ZNF665: variants seen among roughly 807,000 people sequenced by gnomAD.
ZNF665 encodes the protein zinc finger protein 665.
ZNF665 carries 6 observed loss-of-function variants against 7.9 expected under a neutral mutation model. The observed-to-expected ratio is 0.76, with a 90% CI of 0.42 to 1.50. The LOEUF (loss-of-function observed/expected upper bound fraction) is 1.50. ZNF665 is among the 40% of genes most tolerant of loss of function. ZNF665 has a pLI of 0.01. For synonymous variants in ZNF665, 242 were observed against 274.5 expected, an observed-to-expected ratio of 0.88 and a Z score of 1.17; for missense variants, 819 against 806.7, an observed-to-expected ratio of 1.02 and a Z score of -0.18.
In ZNF665 at chr19:53,175,335, C is replaced by G. The variant is rs1279620759; in HGVS notation, c.142+110G>C. On this transcript the variant is annotated intron_variant, in intron 3 of 3. Coordinates refer to ENST00000396424, the MANE Select transcript of ZNF665 (RefSeq NM_024733.5). ...ATTAGGCTTTTCATTTATGAGTCAA[C>G]AGGACATCAATCCTCATCAAGCAAT... 3.0e-6 allele frequency: 4 copies of G among 1,352,526 alleles called. No individual in the cohort carries two copies. The African/African-American group carries it at 4.5e-5, about 15-fold the overall frequency. 83.8% of individuals were successfully genotyped at this position (1,352,526 alleles called of 1,614,324 possible). A position where few individuals can be genotyped will look rare whatever the true frequency, so the allele number is the denominator to read the frequency against.
At chr19:53,171,444 A>G (rs1238596083) in intron 3 of ZNF665, among the ~76,000 whole-genome samples, 1 of 148,492 alleles carries the variant, frequency 6.7e-6, no homozygotes, top group East Asian at 2.0e-4. Flanking sequence ...TACACTATGT[A>G]CTAAAATTAG....
chr19:53,177,931 C>T (rs2090710608), intron 2 of ZNF665, among the ~76,000 whole-genome samples: 1 of 152,190 alleles, frequency 6.6e-6, no homozygotes, highest in South Asian at 2.1e-4. Flanking sequence ...CTAAAAATGA[C>T]AGAGCAAGTA....
chr19:53,176,619 G>C (rs762189131), intron 2 of ZNF665, among the ~76,000 whole-genome samples: 5 of 152,216 alleles, frequency 3.3e-5, no homozygotes, highest in Non-Finnish European at 7.3e-5. Context: ...ATCTGTGTTT[G>C]TGAATGGCAA....
chr19:53,177,629 A>G (rs1317254671), intron 2 of ZNF665, among the ~76,000 whole-genome samples: 1 of 152,204 alleles, frequency 6.6e-6, no homozygotes, highest in Non-Finnish European at 1.5e-5. Context: ...TGTCGGACAC[A>G]TCAAGCAATA....
chr19:53,176,454 C>T (rs1252007525), intron 2 of ZNF665, among the ~76,000 whole-genome samples: 1 of 152,192 alleles, frequency 6.6e-6, no homozygotes, highest in Non-Finnish European at 1.5e-5. Flanking sequence ...ATCGCTTCCA[C>T]CTGCATTCTT....
intron 1 of ZNF665, among the ~76,000 whole-genome samples, chr19:53,189,786 T>C (rs1378699394): frequency 6.6e-6 from 1 of 151,418 alleles, no homozygotes; most frequent in African/African-American, 2.4e-5. Flanking sequence ...AAAGGGAGAC[T>C]CCCTTCCCCA....
chr19:53,190,623 T>C (rs1424455835), intron 1 of ZNF665, among the ~76,000 whole-genome samples: 1 of 152,144 alleles, frequency 6.6e-6, no homozygotes. Flanking sequence ...ATCTGTATGC[T>C]TCGTAGTATC....
rs1042352111 is a variant in ZNF665 at position 53,167,534 on chromosome 19, C to T, written c.143-1187G>A. 1.5e-4 allele frequency among the ~76,000 whole-genome samples: 22 copies of T among 150,696 alleles called. No individual in the cohort carries two copies. The South Asian group carries it at 3.6e-3, about 25-fold the overall frequency. On this transcript the variant is annotated intron_variant, in intron 3 of 3. Transcript: ENST00000396424. The stretch of plus-strand genomic sequence containing the variant: ...CGATCTCGGCTCACTGCAAGCTCCG[C>T]CTCCCGGGTTCCCGCCATTCTCCTG...
chr19:53,178,624 A>T (rs998861325), intron 2 of ZNF665, among the ~76,000 whole-genome samples: 5 of 152,214 alleles, frequency 3.3e-5, no homozygotes, highest in African/African-American at 1.2e-4. Context: ...AGTACAAGAA[A>T]TGAGAGAATG....
At position 53,165,226 on chromosome 19, in the gene ZNF665, T is replaced by C; in HGVS notation, c.1264A>G (p.Arg422Gly). The C allele has an allele frequency of 2.5e-6, 4 of 1,614,054 alleles. No individual in the cohort carries two copies. Among genetic ancestry groups the C allele is most frequent in the Non-Finnish European group, 3.4e-6 (4 of 1,179,992 alleles). The change falls in exon 4 of 4, where the codon AGA (arginine) becomes GGA (glycine). Residue 422 changes from arginine (R) to glycine (G), a missense_variant. Coordinates refer to ENST00000396424, the MANE Select transcript of ZNF665 (RefSeq NM_024733.5). ...TQYSHLANHR[R>G]IHTGEKPYRC... ...TAAGGTTTCTCTCCAGTATGAATTCTTCGATGATTTGCTAAGTGTGAATAC... is the reference window on the plus strand; with the variant it reads ...TAAGGTTTCTCTCCAGTATGAATTCCTCGATGATTTGCTAAGTGTGAATAC...
Position 53,166,198 on chromosome 19 carries a change from A to G in ZNF665, c.292T>C (p.Phe98Leu). Residue 98 changes from phenylalanine (F) to leucine (L), a missense_variant, in exon 4 of 4, where the codon TTT becomes CTT. Phe to Leu is a conservative substitution (Grantham distance 22, BLOSUM62 0). Coordinates refer to ENST00000396424, the MANE Select transcript of ZNF665 (RefSeq NM_024733.5). ...TCATCATCTTTCCACTGACACTCAA[A>G]GTCGTATGTATTTTTCTGAACTTCC... ...FQEVQKNTYD[F>L]ECQWKDDEGN... The G allele has an allele frequency of 6.2e-7, 1 of 1,613,898 alleles. No homozygotes were observed. The highest frequency in any genetic ancestry group is 1.6e-4 in the Middle Eastern group (1 of 6,062).
chr19:53,166,382 A>G, intron 3 of ZNF665, 35 bp from the exon 4 acceptor site: 1 of 1,496,932 alleles, frequency 6.7e-7, no homozygotes, highest in Non-Finnish European at 8.9e-7. Flanking sequence ...TTTCCAGTTA[A>G]CTATAGTAGG....
At chr19:53,180,531 G>C (rs999517227) in intron 2 of ZNF665, 6 of 152,082 alleles carry the variant, frequency 3.9e-5, no homozygotes, top group African/African-American at 1.4e-4. Context: ...TTAAATGATG[G>C]TATGTCTTTT....
At chr19:53,191,259 G>A (rs7247692) in intron 1 of ZNF665, among the ~76,000 whole-genome samples, 2,117 of 152,278 alleles carry the variant, frequency 0.014, 46 homozygotes, top group African/African-American at 0.049. Flanking sequence ...GATGAGAGGC[G>A]ATGCATTCTT....
chr19:53,177,836 C>T (rs917202104), intron 2 of ZNF665, among the ~76,000 whole-genome samples: 9 of 152,156 alleles, frequency 5.9e-5, no homozygotes, highest in African/African-American at 2.2e-4. Flanking sequence ...AACACTGTAG[C>T]CCATGAGAGA....
chr19:53,191,089 T>G (rs902747948), intron 1 of ZNF665, among the ~76,000 whole-genome samples: 6 of 144,088 alleles, frequency 4.2e-5, no homozygotes, highest in Admixed American at 3.4e-4. Context: ...AATCTGGGAC[T>G]TGGGGCTGGT....
intron 1 of ZNF665, 82 bp downstream of exon 1, chr19:53,193,230 G>C (rs1408670158): frequency 6.6e-6 from 1 of 152,228 alleles, no homozygotes; most frequent in Non-Finnish European, 1.5e-5. Context: ...GACTTTAAGG[G>C]CTATACGAAC....
chr19:53,165,116 G>A lies in ZNF665; in HGVS notation c.1374C>T (p.Tyr458=), dbSNP rs2090597753. ...AGACCTTACCGCAGTCATTACATTT[G>A]TAAGGCTTTTCTCCAGTATGAATTG... The part of the protein sequence containing the change: ...HQAIHTGEKP[Y]KCNDCGKVFT... The change falls in exon 4 of 4, where the codon TAC becomes TAT. Residue 458 remains tyrosine, a synonymous_variant. Coordinates refer to ENST00000396424, the MANE Select transcript of ZNF665 (RefSeq NM_024733.5). 6.2e-7 allele frequency: 1 copy of A among 1,613,918 alleles called. No homozygotes were observed. Among genetic ancestry groups the A allele is most frequent in the African/African-American group, 1.3e-5 (1 of 74,872 alleles).
rs2090691222 is a variant in ZNF665, at chr19:53,175,530, C to T, written c.57G>A (p.Gln19=). ...CAGGGTCCAGGCATGTCCACTCCTC[C>T]TGAGAGAATTCTATGGCCACATCCT... The part of the protein sequence containing the change: ...TFKDVAIEFS[Q]EEWTCLDPAQ... The change falls in exon 3 of 4, where the codon CAG becomes CAA. Residue 19 remains glutamine (Q), a synonymous_variant. Transcript: ENST00000396424. The T allele has an allele frequency of 6.2e-7, 1 of 1,610,720 alleles. No individual in the cohort carries two copies. The highest frequency in any genetic ancestry group is 1.3e-5 in the African/African-American group (1 of 74,650).
Sources: gnomAD v4.1 joint callset for allele counts (sites outside exome capture counted in the v4.1 genomes callset) on GRCh38, gnomAD v4.1.1 for gene constraint, MANE v1.5 for transcripts, NCBI Gene and HGNC (gene_info 2026-07-23, HGNC 2026-07-21) for gene names.